Variants in FHIP1A observed in about 807,000 individuals in gnomAD.
FHIP1A encodes FHF complex subunit HOOK interacting protein 1A.
In FHIP1A, 61 loss-of-function variants were observed where a neutral mutation model predicts 88.6. The ratio of observed to expected loss-of-function variants is 0.69; its 90% CI spans 0.56 to 0.85. The LOEUF (loss-of-function observed/expected upper bound fraction) is 0.85, where lower values mean the gene tolerates loss of function less well. FHIP1A is among the 40% of genes least tolerant of loss of function. FHIP1A has a pLI of 0.00. For synonymous variants in FHIP1A, 478 were observed against 496.0 expected (o/e 0.96, Z 0.48); for missense variants, 1,154 against 1,273.5 (o/e 0.91, Z 1.43).
intron 3 of FHIP1A, among the ~76,000 whole-genome samples, chr4:151,550,904 C>A (rs762918730): frequency 1.2e-4 from 19 of 152,198 alleles, no homozygotes; most frequent in Non-Finnish European, 2.1e-4. Context: ...TAGGCTGACC[C>A]TACAGGAAGC....
Position 151,547,735 on chromosome 4 carries a change from G to A in FHIP1A, c.-122-18403G>A, listed in dbSNP as rs905052381. Reference sequence around the variant, plus strand: ...TTGAGACCAGCCTGGCCAACATGGCGAAACGCTGTCTCTACCAAAAACATA... The same window carrying A: ...TTGAGACCAGCCTGGCCAACATGGCAAAACGCTGTCTCTACCAAAAACATA... On this transcript the variant is annotated intron_variant, in intron 3 of 13. Transcript: ENST00000435205. Among the ~76,000 whole-genome samples the A allele has an allele frequency of 5.3e-5, 8 of 152,014 alleles. No homozygotes were observed. In the South Asian group the frequency reaches 6.2e-4, roughly 12 times the overall value.
At chr4:151,481,031 A>G (rs80053624) in intron 2 of FHIP1A, among the ~76,000 whole-genome samples, 2 of 152,054 alleles carry the variant, frequency 1.3e-5, no homozygotes, top group East Asian at 3.9e-4. Flanking sequence ...TTGAGAAATC[A>G]TGGCTATATA....
chr4:151,666,404 TTAGG>T lies in FHIP1A; in HGVS notation c.*3655_*3658del, dbSNP rs1737667662. On this transcript the variant is annotated 3_prime_UTR_variant, in exon 14 of 14. Coordinates refer to ENST00000435205, the MANE Select transcript of FHIP1A (RefSeq NM_001109977.3). ...GGTTGGAGTGGATGTCTGTCAGGTG[TTAGG>T]TAGGACGCATTCGGTATTTTTATAG... Among the ~76,000 whole-genome samples, 1 of 152,132 alleles carries T rather than the reference TTAGG, an allele frequency of 6.6e-6. No individual in the cohort carries two copies. The highest frequency in any genetic ancestry group is 1.5e-5 in the Non-Finnish European group (1 of 68,026).
chr4:151,527,530 G>A (rs1229453497), intron 3 of FHIP1A, among the ~76,000 whole-genome samples: 1 of 152,092 alleles, frequency 6.6e-6, no homozygotes, highest in African/African-American at 2.4e-5. Flanking sequence ...GAGGGAGAGG[G>A]AGACCGTGGG....
intron 5 of FHIP1A, among the ~76,000 whole-genome samples, chr4:151,583,806 G>A (rs1734111123): frequency 6.6e-6 from 1 of 152,114 alleles, no homozygotes; most frequent in African/African-American, 2.4e-5. Flanking sequence ...TTTTGCCAGA[G>A]GTTTCTAATT....
intron 3 of FHIP1A, among the ~76,000 whole-genome samples, chr4:151,520,030 G>T (rs1007518613): frequency 9.9e-5 from 15 of 152,008 alleles, no homozygotes; most frequent in African/African-American, 3.4e-4. Context: ...TTCCCATTTT[G>T]TGACTTGCCT....
intron 3 of FHIP1A, among the ~76,000 whole-genome samples, chr4:151,521,443 C>G (rs1346226114): frequency 1.3e-5 from 2 of 152,084 alleles, no homozygotes; most frequent in Non-Finnish European, 2.9e-5. Context: ...GATGGAAGGA[C>G]TACTATACTG....
At chr4:151,599,603 A>G (rs1734784493) in intron 7 of FHIP1A, among the ~76,000 whole-genome samples, 1 of 152,212 alleles carries the variant, frequency 6.6e-6, no homozygotes. Flanking sequence ...TCTCAGGAAC[A>G]GGCCTGCCTT....
intron 5 of FHIP1A, among the ~76,000 whole-genome samples, chr4:151,578,332 C>T (rs1372550308): frequency 6.6e-6 from 1 of 152,140 alleles, no homozygotes; most frequent in Non-Finnish European, 1.5e-5. Context: ...ATTTTTACTG[C>T]ATTAAGAATG....
At chr4:151,458,259 A>G (rs1729032414) in intron 2 of FHIP1A, among the ~76,000 whole-genome samples, 1 of 152,162 alleles carries the variant, frequency 6.6e-6, no homozygotes, top group Admixed American at 6.6e-5. Flanking sequence ...TTGCACTTGG[A>G]AGAAAATAGT....
chr4:151,510,357 C>T (rs1184213688), intron 3 of FHIP1A, among the ~76,000 whole-genome samples: 1 of 152,164 alleles, frequency 6.6e-6, no homozygotes, highest in Admixed American at 6.5e-5. Context: ...TGTCCTCCCA[C>T]CTTGGCCTCT....
At chr4:151,641,266 T>C (rs1412589417) in intron 9 of FHIP1A, among the ~76,000 whole-genome samples, 2 of 152,316 alleles carry the variant, frequency 1.3e-5, no homozygotes, top group South Asian at 2.1e-4. Flanking sequence ...CAGAAGTCAG[T>C]TGGGCACATA....
At chr4:151,558,190 G>C (rs1733027902) in intron 3 of FHIP1A, among the ~76,000 whole-genome samples, 1 of 152,164 alleles carries the variant, frequency 6.6e-6, no homozygotes, top group Non-Finnish European at 1.5e-5. Context: ...TAGTTGGAGA[G>C]AATAGGTTTT....
At chr4:151,462,389 T>A (rs1390148892) in intron 2 of FHIP1A, among the ~76,000 whole-genome samples, 2 of 152,200 alleles carry the variant, frequency 1.3e-5, no homozygotes, top group Non-Finnish European at 2.9e-5. Flanking sequence ...CTGAACAGTT[T>A]CTTCAGATAG....
At chr4:151,646,133 T>C (rs1304745152) in intron 9 of FHIP1A, among the ~76,000 whole-genome samples, 1 of 152,182 alleles carries the variant, frequency 6.6e-6, no homozygotes, top group Non-Finnish European at 1.5e-5. Flanking sequence ...CAAGATAATA[T>C]TGCTTAATAG....
rs1282251995 is a variant in FHIP1A, at chr4:151,650,106, C to T, written c.2065C>T (p.Pro689Ser). The change falls in exon 11 of 14, where the codon CCA (proline) becomes TCA (serine). Residue 689 changes from proline to serine, a missense_variant. Physicochemically the swap from Pro to Ser is moderately conservative, Grantham distance 74. Coordinates refer to ENST00000435205, the MANE Select transcript of FHIP1A (RefSeq NM_001109977.3). ...CAACGGCCCCCTCCTCAGCACCCAG[C>T]CAGAGACAGATTCAGAGGAGGAGTG... ...INNGPLLSTQ[P>S]ETDSEEEWNR... 6.4e-7 allele frequency: 1 copy of T among 1,551,646 alleles called. No individual in the cohort carries two copies. Among genetic ancestry groups the T allele is most frequent in the Non-Finnish European group, 8.7e-7 (1 of 1,146,974 alleles).
chr4:151,516,839 T>C (rs1017655172), intron 3 of FHIP1A, among the ~76,000 whole-genome samples: 1 of 151,198 alleles, frequency 6.6e-6, no homozygotes, highest in Non-Finnish European at 1.5e-5. Flanking sequence ...TAGGAACACT[T>C]TTCCACTGTT....
intron 10 of FHIP1A, among the ~76,000 whole-genome samples, chr4:151,648,849 CT>C (rs1736889863): frequency 6.6e-6 from 1 of 150,972 alleles, no homozygotes; most frequent in South Asian, 2.1e-4. Flanking sequence ...GAAGTTGGAA[CT>C]TTTAACATCA....
intron 3 of FHIP1A, among the ~76,000 whole-genome samples, chr4:151,544,525 T>C (rs1236065421): frequency 6.6e-6 from 1 of 152,192 alleles, no homozygotes; most frequent in East Asian, 1.9e-4. Flanking sequence ...CAGGTGCCAC[T>C]GTTTAAGATC....
Sources: allele counts gnomAD v4.1 joint callset (sites outside exome capture counted in the v4.1 genomes callset), GRCh38; gene constraint gnomAD v4.1.1; transcripts MANE v1.5; gene names NCBI Gene and HGNC (gene_info 2026-07-23, HGNC 2026-07-21).